FYN: variants seen among roughly 807,000 people sequenced by gnomAD.
FYN encodes the protein FYN proto-oncogene, Src family tyrosine kinase.
FYN carries 10 observed loss-of-function variants against 70.2 expected under a neutral mutation model. The ratio of observed to expected loss-of-function variants is 0.14; its 90% CI spans 0.09 to 0.24. The LOEUF (loss-of-function observed/expected upper bound fraction) is 0.24. Ranked by LOEUF, FYN falls within the 10% of genes least tolerant of loss-of-function variation. The pLI, the probability that FYN is intolerant of heterozygous loss-of-function variation, is 1.00. For missense variants in FYN, 319 were observed against 673.1 expected (o/e 0.47, Z 5.82); for synonymous variants, 236 against 248.6 (o/e 0.95, Z 0.48).
chr6:111,809,287 T>TA (rs1334775818), intron 2 of FYN, among the ~76,000 whole-genome samples: 3 of 152,224 alleles, frequency 2.0e-5, no homozygotes, highest in African/African-American at 7.2e-5. Flanking sequence ...TCAGTTCCAC[T>TA]AACCTGAAAA....
intron 3 of FYN, among the ~76,000 whole-genome samples, chr6:111,723,697 C>A (rs763258253): frequency 2.6e-5 from 4 of 152,218 alleles, no homozygotes; most frequent in Non-Finnish European, 5.9e-5. Flanking sequence ...TGTGCCCAGG[C>A]TCCTTGCTAC....
chr6:111,735,353 C>T (rs1197878913), intron 3 of FYN, among the ~76,000 whole-genome samples: 1 of 152,122 alleles, frequency 6.6e-6, no homozygotes. Context: ...AACTATGAGT[C>T]CATTCTACTG....
intron 3 of FYN, among the ~76,000 whole-genome samples, chr6:111,734,643 T>C (rs955171809): frequency 1.0e-4 from 15 of 149,312 alleles, no homozygotes; most frequent in African/African-American, 3.8e-4. Context: ...GTTCTCCTTC[T>C]GAGCTGCTGG....
intron 1 of FYN, among the ~76,000 whole-genome samples, chr6:111,850,907 GT>G (rs1773667372): frequency 6.6e-6 from 1 of 152,180 alleles, no homozygotes; most frequent in Non-Finnish European, 1.5e-5. Flanking sequence ...TCATTGCCAC[GT>G]TTCCCCAGGA....
chr6:111,763,662 G>A (rs769384185), intron 3 of FYN, among the ~76,000 whole-genome samples: 5 of 152,090 alleles, frequency 3.3e-5, no homozygotes, highest in African/African-American at 7.2e-5. Context: ...TATAACATAC[G>A]TGCTTTATCA....
chr6:111,667,392 C>T (rs928061483), intron 13 of FYN, among the ~76,000 whole-genome samples: 1 of 152,036 alleles, frequency 6.6e-6, no homozygotes, highest in African/African-American at 2.4e-5. Context: ...TAGGTATGCA[C>T]CACCATGCCT....
chr6:111,830,345 A>G (rs1377030996), intron 2 of FYN, among the ~76,000 whole-genome samples: 1 of 152,196 alleles, frequency 6.6e-6, no homozygotes, highest in Non-Finnish European at 1.5e-5. Context: ...GGAGTAGGAG[A>G]GCCAGCTCCC....
In FYN at chr6:111,707,983, C is replaced by T; in HGVS notation, c.382G>A (p.Gly128Arg). ...TTGCTGGGAATGTAACCTGTCTCTC[C>T]AGTTGTCAAGGAGCGGGCTTCCCAC... ...DWWEARSLTT[G>R]ETGYIPSNYV... The change falls in exon 6 of 14, where the codon GGA becomes AGA. Residue 128 changes from glycine (G) to arginine (R), a missense_variant. Gly to Arg is a moderately radical substitution (Grantham distance 125). Around this residue, in one of 4 missense-constraint regions of FYN, gnomAD observed 128 missense variants for 183.9 expected, o/e 0.70. Coordinates refer to ENST00000354650, the MANE Select transcript of FYN (RefSeq NM_002037.5). 1 of 1,614,068 alleles carries T rather than the reference C, an allele frequency of 6.2e-7. No homozygotes were observed. Among genetic ancestry groups the T allele is most frequent in the Non-Finnish European group, 8.5e-7 (1 of 1,179,950 alleles).
chr6:111,694,754 C>T lies in FYN; in HGVS notation c.1043-50G>A, dbSNP rs368283898. 5.4e-5 allele frequency: 80 copies of T among 1,477,796 alleles called. No homozygotes were observed. Among genetic ancestry groups the T allele is most frequent in the Non-Finnish European group, 6.6e-5 (70 of 1,066,232 alleles). The allele number at this position is 1,477,796 out of a possible 1,614,324, so 91.5% of individuals were successfully genotyped here. A position where few individuals can be genotyped will look rare whatever the true frequency, so the allele number is the denominator to read the frequency against. On this transcript the variant is annotated intron_variant, in intron 10 of 13. Transcript: ENST00000354650. The surrounding 1 kb of genome is among the most constrained non-coding windows in gnomAD (Gnocchi z 5.0). ...TCAATTTACTTTGAAAGATAATTCC[C>T]AACAGAGAGCTGTATTTGGTTTTCT...
At chr6:111,853,313 T>C (rs1372648043) in intron 1 of FYN, among the ~76,000 whole-genome samples, 1 of 152,130 alleles carries the variant, frequency 6.6e-6, no homozygotes, top group African/African-American at 2.4e-5. Context: ...AACATAGAGA[T>C]TTGGACTTGA....
chr6:111,806,568 C>T (rs1003256899), intron 2 of FYN, among the ~76,000 whole-genome samples: 4 of 152,196 alleles, frequency 2.6e-5, no homozygotes, highest in Non-Finnish European at 4.4e-5. Context: ...AGATAGTGTA[C>T]TATCCTTCTC....
At chr6:111,705,209 G>T (rs1800014835) in intron 6 of FYN, among the ~76,000 whole-genome samples, 1 of 152,072 alleles carries the variant, frequency 6.6e-6, no homozygotes, top group Admixed American at 6.5e-5. Context: ...GATATGATAT[G>T]AATAAAGGAA....
chr6:111,692,110 C>G lies in FYN; in HGVS notation c.1273+2265G>C, dbSNP rs553316235. Among the ~76,000 whole-genome samples the G allele has an allele frequency of 9.3e-4, 139 of 149,802 alleles. 1 individual carries two copies. Among genetic ancestry groups the G allele is most frequent in the African/African-American group, 2.4e-3 (99 of 41,006 alleles). ...CTTGCCAAGCTTCATTTCCCCCCCC[C>G]CCAGTTCAGCTCTCCAGTTCACTTA... On this transcript the variant is annotated intron_variant, in intron 12 of 13. Coordinates refer to ENST00000354650, the MANE Select transcript of FYN (RefSeq NM_002037.5).
chr6:111,830,225 C>A (rs1385259596), intron 2 of FYN, among the ~76,000 whole-genome samples: 1 of 152,136 alleles, frequency 6.6e-6, no homozygotes, highest in Non-Finnish European at 1.5e-5. Flanking sequence ...GGCTTGTTGA[C>A]AGACTAATGA....
chr6:111,664,261 T>C lies in FYN; in HGVS notation c.1406-2314A>G, dbSNP rs115254857. 7.2e-3 allele frequency among the ~76,000 whole-genome samples: 1,072 copies of C among 149,340 alleles called. 11 individuals are homozygous for C. Among genetic ancestry groups the C allele is most frequent in the African/African-American group, 0.024 (934 of 38,708 alleles). ...GTCCCTTCCAGGAGTCCACAGGAAC[T>C]GAGGGGAAACAGGCAGAAGGGCCTG... On this transcript the variant is annotated intron_variant, in intron 13 of 13. Coordinates refer to ENST00000354650, the MANE Select transcript of FYN (RefSeq NM_002037.5).
intron 3 of FYN, among the ~76,000 whole-genome samples, chr6:111,779,728 G>C (rs190818290): frequency 6.6e-6 from 1 of 152,116 alleles, no homozygotes. Context: ...GGATGTAACC[G>C]GCCCATCCCC....
intron 13 of FYN, among the ~76,000 whole-genome samples, chr6:111,670,769 G>C (rs1798229729): frequency 6.6e-6 from 1 of 151,976 alleles, no homozygotes; most frequent in South Asian, 2.1e-4. Flanking sequence ...AATGGTGGGT[G>C]GGTGGGTGGT....
chr6:111,733,010 C>G lies in FYN; in HGVS notation c.-11-12948G>C, dbSNP rs575362056. ...GCATGCAGTGGGATCTTTGTTATAA[C>G]AGGGAGTCTGCAGCAACACACGGAG... On this transcript the variant is annotated intron_variant, in intron 3 of 13. Transcript: ENST00000354650. 2.0e-5 allele frequency among the ~76,000 whole-genome samples: 3 copies of G among 152,238 alleles called. No individual in the cohort carries two copies. The South Asian group carries it at 6.2e-4, about 32-fold the overall frequency.
Position 111,804,179 on chromosome 6 carries a change from G to A in FYN, c.-81-23544C>T, listed in dbSNP as rs561385376. Among the ~76,000 whole-genome samples the A allele has an allele frequency of 1.3e-4, 20 of 152,270 alleles. 1 individual carries two copies. In the South Asian group the frequency reaches 1.9e-3, roughly 14 times the overall value. On this transcript the variant is annotated intron_variant, in intron 2 of 13. Coordinates refer to ENST00000354650, the MANE Select transcript of FYN (RefSeq NM_002037.5). ...TTTAAAGGCAGGAAGAGACATCATC[G>A]TTCTGAAAATATACGAGGGCCATGC...
Sources: allele counts gnomAD v4.1 joint callset (sites outside exome capture counted in the v4.1 genomes callset), GRCh38; gene constraint gnomAD v4.1.1; regional missense constraint gnomAD v4.1.1; non-coding constraint Gnocchi (gnomAD v3.1); transcripts MANE v1.5; gene names NCBI Gene and HGNC (gene_info 2026-07-23, HGNC 2026-07-21).